The following PDE6B variants were observed in gnomAD, a reference collection of about 807,000 sequenced individuals.
PDE6B encodes phosphodiesterase 6B, also known as rod cGMP-specific 3',5'-cyclic phosphodiesterase subunit beta.
In PDE6B, 106 loss-of-function variants were observed where a neutral mutation model predicts 109.0. That is an observed-to-expected ratio of 0.97 (90% CI 0.83 to 1.14). The LOEUF (loss-of-function observed/expected upper bound fraction) is 1.14. PDE6B is among the 50% of genes most tolerant of loss of function. PDE6B has a pLI of 0.00. For synonymous variants in PDE6B, 490 were observed against 471.3 expected (o/e 1.04, Z -0.51); for missense variants, 1,193 against 1,155.6 (o/e 1.03, Z -0.47).
intron 1 of PDE6B, among the ~76,000 whole-genome samples, chr4:629,505 C>T (rs1388197657): frequency 1.3e-5 from 2 of 152,250 alleles, no homozygotes; most frequent in Admixed American, 1.3e-4. Flanking sequence ...CCTCAGCCTC[C>T]ACCACCTTCC....
rs1325033931 is a variant in PDE6B at position 662,457 on chromosome 4, C to T, written c.1723-52C>T. 9 of 1,293,426 alleles carry T rather than the reference C, an allele frequency of 7.0e-6. No individual in the cohort carries two copies. The highest frequency in any genetic ancestry group is 1.7e-5 in the Admixed American group (1 of 59,454). 80.1% of individuals were successfully genotyped at this position (1,293,426 alleles called of 1,614,324 possible). ...TAGGTCATCCCAACCCCTCACCACTCCCCACCCTGCTGGAGCCAGGACCGG... is the reference window on the plus strand; with the variant it reads ...TAGGTCATCCCAACCCCTCACCACTTCCCACCCTGCTGGAGCCAGGACCGG... On this transcript the variant is annotated intron_variant, in intron 13 of 21. Transcript: ENST00000496514. The surrounding 1 kb of genome is among the most constrained non-coding windows in gnomAD (Gnocchi z 4.3).
chr4:654,649 G>A lies in PDE6B; in HGVS notation c.928-175G>A, dbSNP rs116353162. ...CATGGGTGTGAGTGCACCCGCATTC[G>A]TAGAATACCTGCGCACGGCGGAGAC... On this transcript the variant is annotated intron_variant, in intron 5 of 21. Transcript: ENST00000496514. 9.6e-3 allele frequency: 6,753 copies of A among 705,826 alleles called. 53 individuals carry two copies. The highest frequency in any genetic ancestry group is 0.013 in the Non-Finnish European group (5,022 of 383,152). 43.7% of individuals were successfully genotyped at this position (705,826 alleles called of 1,614,324 possible).
At chr4:656,351 C>T in intron 8 of PDE6B, 59 bp downstream of exon 8, 1 of 1,125,616 alleles carries the variant, frequency 8.9e-7, no homozygotes. Flanking sequence ...GATTTTGATT[C>T]AGCGATGATG....
Position 662,070 on chromosome 4 carries a change from G to C in PDE6B, c.1615-64G>C. ...GGCTTCCACTGTGAAGTCAGCCACA[G>C]GTGCCGCTCTGGCGGGACTTACACG... On this transcript the variant is annotated intron_variant, in intron 12 of 21. Transcript: ENST00000496514. The surrounding 1 kb of genome is among the most constrained non-coding windows in gnomAD (Gnocchi z 4.3). 1 of 784,230 alleles carries C rather than the reference G, an allele frequency of 1.3e-6. No homozygotes were observed. The highest frequency in any genetic ancestry group is 2.2e-6 in the Non-Finnish European group (1 of 447,188). 48.6% of individuals were successfully genotyped at this position (784,230 alleles called of 1,614,324 possible).
In PDE6B at chr4:626,207, C is replaced by T. The variant is rs9995112; in HGVS notation, c.468+113C>T. On this transcript the variant is annotated intron_variant, in intron 1 of 21. Transcript: ENST00000496514. The surrounding 1 kb of genome is among the most constrained non-coding windows in gnomAD (Gnocchi z 4.6). ...CCTCCAGGGAGGCCTCTTGTCAGGG[C>T]ACAGGCTAGTTCTGTGCTGAGGAGC... The T allele has an allele frequency of 7.5e-3, 5,361 of 713,964 alleles. 210 individuals carry two copies. The African/African-American group carries it at 0.084, about 11-fold the overall frequency. The allele number at this position is 713,964 out of a possible 1,614,324, so 44.2% of individuals were successfully genotyped here. A position where few individuals can be genotyped will look rare whatever the true frequency, so the allele number is the denominator to read the frequency against.
chr4:660,653 C>T (rs148296622), intron 12 of PDE6B, 40 bp downstream of exon 12: 46 of 1,590,854 alleles, frequency 2.9e-5, no homozygotes, highest in Admixed American at 5.0e-5. Context: ...GTCCCTGAGG[C>T]CGCCCAGGAC....
rs1196013862 is a variant in PDE6B, at chr4:633,861, C to CG, written c.469-810dup. ...CTCTGAAGGACAGAATCCCAGTCACCGGGGGGTGTCTGGTCTCAGTAACCC... is the reference window on the plus strand; with the variant it reads ...CTCTGAAGGACAGAATCCCAGTCACCGGGGGGGTGTCTGGTCTCAGTAACCC... On this transcript the variant is annotated intron_variant, in intron 1 of 21. Transcript: ENST00000496514. The surrounding 1 kb of genome is among the most constrained non-coding windows in gnomAD (Gnocchi z 4.5). Among the ~76,000 whole-genome samples, 2 of 152,136 alleles carry CG rather than the reference C, an allele frequency of 1.3e-5. No individual in the cohort carries two copies. The highest frequency in any genetic ancestry group is 2.9e-5 in the Non-Finnish European group (2 of 68,014).
At position 662,452 on chromosome 4, in the gene PDE6B, C is replaced by G; in HGVS notation, c.1723-57C>G. 8.0e-7 allele frequency: 1 copy of G among 1,252,032 alleles called. No individual in the cohort carries two copies. The highest frequency in any genetic ancestry group is 1.5e-5 in the African/African-American group (1 of 68,020). 77.6% of individuals were successfully genotyped at this position (1,252,032 alleles called of 1,614,324 possible). On this transcript the variant is annotated intron_variant, in intron 13 of 21. Coordinates refer to ENST00000496514, the MANE Select transcript of PDE6B (RefSeq NM_000283.4). The surrounding 1 kb of genome is among the most constrained non-coding windows in gnomAD (Gnocchi z 4.3). ...ACGCCTAGGTCATCCCAACCCCTCA[C>G]CACTCCCCACCCTGCTGGAGCCAGG...
rs780333250 is a variant in PDE6B, at chr4:657,356, GAC to G, written c.1267_1268del (p.Gln423ValfsTer56). ...EQDEVLMESL[T>X]QFLGWSVMNT... ...GACACTGCCATCCCCTCCAGTCCCT[GAC>G]ACAGTTCCTGGGCTGGTCAGTGATG... On this transcript the variant is annotated frameshift_variant, in exon 10 of 22. Transcript: ENST00000496514. LOFTEE classifies it high-confidence loss of function. The G allele has an allele frequency of 2.5e-6, 4 of 1,612,914 alleles. No individual in the cohort carries two copies. In the South Asian group the frequency reaches 3.3e-5, roughly 13 times the overall value.
At chr4:652,948 C>T (rs1735713256) in intron 3 of PDE6B, 2 of 154,250 alleles carry the variant, frequency 1.3e-5, no homozygotes, top group African/African-American at 4.8e-5. Context: ...GCAACAAATA[C>T]TTACATCAGA....
chr4:656,822 G>A lies in PDE6B; in HGVS notation c.1108-52G>A, dbSNP rs544427719. Reference sequence around the variant, plus strand: ...GGTCACTCTCCCCGGCCACACGCCCGGGCCAGGGCCAGCCTCAGGGCGGAG... The same window carrying A: ...GGTCACTCTCCCCGGCCACACGCCCAGGCCAGGGCCAGCCTCAGGGCGGAG... On this transcript the variant is annotated intron_variant, in intron 8 of 21. Coordinates refer to ENST00000496514, the MANE Select transcript of PDE6B (RefSeq NM_000283.4). 21 of 1,595,396 alleles carry A rather than the reference G, an allele frequency of 1.3e-5. No individual in the cohort carries two copies. The East Asian group carries it at 2.2e-4, about 17-fold the overall frequency.
At chr4:644,528 T>A (rs1735106084) in intron 3 of PDE6B, among the ~76,000 whole-genome samples, 1 of 151,898 alleles carries the variant, frequency 6.6e-6, no homozygotes. Context: ...TGTTTTTGTT[T>A]TTTTTATTTT....
At chr4:634,587 C>A in intron 1 of PDE6B, 90 bp from the exon 2 acceptor site, 1 of 1,074,342 alleles carries the variant, frequency 9.3e-7, no homozygotes, top group Non-Finnish European at 1.5e-6. Context: ...AGGGCAGCAG[C>A]CCCCACAGAG....
intron 8 of PDE6B, 114 bp downstream of exon 8, chr4:656,406 A>C (rs1577279727): frequency 2.5e-6 from 2 of 790,050 alleles, no homozygotes; most frequent in Non-Finnish European, 4.5e-6. Context: ...TCAGCCAGGC[A>C]TGGTGGCTCA....
intron 3 of PDE6B, among the ~76,000 whole-genome samples, chr4:644,294 T>A (rs1735095552): frequency 6.6e-6 from 1 of 152,012 alleles, no homozygotes; most frequent in African/African-American, 2.4e-5. Flanking sequence ...CCATTTTAAA[T>A]TTTTCAGCTA....
chr4:669,138 TACCCC>T (rs1738159069), intron 21 of PDE6B, among the ~76,000 whole-genome samples: 1 of 248 alleles, frequency 4.0e-3, no homozygotes, highest in Non-Finnish European at 6.7e-3. Flanking sequence ...GCTATTCCCC[TACCCC>T]ATGCTGCTCC....
At position 663,632 on chromosome 4, in the gene PDE6B, G is replaced by A; in HGVS notation, c.1921-138G>A. 1 of 710,416 alleles carries A rather than the reference G, an allele frequency of 1.4e-6. No individual in the cohort carries two copies. 44.0% of individuals were successfully genotyped at this position (710,416 alleles called of 1,614,324 possible). On this transcript the variant is annotated intron_variant, in intron 15 of 21. Coordinates refer to ENST00000496514, the MANE Select transcript of PDE6B (RefSeq NM_000283.4). The surrounding 1 kb of genome is among the most constrained non-coding windows in gnomAD (Gnocchi z 4.0). ...TGAGGAGGGCCCTGAGCAGCAGGCG[G>A]ATTAGGGGTCCCGCCCACCGAGGGC...
At chr4:652,079 A>G (rs763985051) in intron 3 of PDE6B, 29 of 141,384 alleles carry the variant, frequency 2.1e-4, no homozygotes, top group Admixed American at 5.0e-4. Flanking sequence ...TCGGTGAGGC[A>G]GGAGTCAGGG....
rs1422340072 is a variant in PDE6B at position 663,771 on chromosome 4, C to T, written c.1922C>T (p.Thr641Ile). Residue 641 changes from threonine to isoleucine, a missense_variant and splice_region_variant, in exon 16 of 22, where the codon ACC becomes ATC. Coordinates refer to ENST00000496514, the MANE Select transcript of PDE6B (RefSeq NM_000283.4). The surrounding 1 kb of genome is among the most constrained non-coding windows in gnomAD (Gnocchi z 4.0). ...EFGKFLLSEE[T>I]LNIYQNLNRR... ...ACGCGCTGGGCATAACCTCCGCAGA[C>T]CCTGAACATCTACCAGAACCTGAAC... 1 of 1,611,116 alleles carries T rather than the reference C, an allele frequency of 6.2e-7. No homozygotes were observed. The highest frequency in any genetic ancestry group is 8.5e-7 in the Non-Finnish European group (1 of 1,178,378).
Sources: allele counts gnomAD v4.1 joint callset (sites outside exome capture counted in the v4.1 genomes callset), GRCh38; gene constraint gnomAD v4.1.1; non-coding constraint Gnocchi (gnomAD v3.1); transcripts MANE v1.5; gene names NCBI Gene and HGNC (gene_info 2026-07-23, HGNC 2026-07-21).